Variants in CHD1L observed in about 807,000 individuals in gnomAD.
CHD1L encodes ATP-dependent chromatin remodeler CHD1L.
Under a neutral mutation model 115.9 loss-of-function variants are expected in CHD1L, and 118 were observed. The observed-to-expected ratio is 1.02, with a 90% confidence interval of 0.88 to 1.19. The LOEUF (loss-of-function observed/expected upper bound fraction) is 1.19, where lower values mean the gene tolerates loss of function less well. Among genes scored for constraint, CHD1L ranks in the 50% most tolerant of loss-of-function variants. The pLI is 0.00. For missense variants in CHD1L, 1,179 were observed against 1,065.3 expected, an observed-to-expected ratio of 1.11 and a Z score of -1.49; for synonymous variants, 411 against 387.1, an observed-to-expected ratio of 1.06 and a Z score of -0.72.
upstream of CHD1L, among the ~76,000 whole-genome samples, chr1:147,237,781 G>T (rs1205410842): frequency 6.6e-6 from 1 of 152,214 alleles, no homozygotes; most frequent in African/African-American, 2.4e-5. Flanking sequence ...AGAACATAAA[G>T]AATGAAATTC....
chr1:147,217,322 C>T, the CHD1L span, among the ~76,000 whole-genome samples: 1 of 152,000 alleles, frequency 6.6e-6, no homozygotes, highest in African/African-American at 2.4e-5. Context: ...TAAAGTAATG[C>T]AATGATGCAA....
chr1:147,263,639 AT>A (rs1248791107), intron 6 of CHD1L, among the ~76,000 whole-genome samples: 5 of 134,448 alleles, frequency 3.7e-5, no homozygotes, highest in Non-Finnish European at 8.0e-5. Flanking sequence ...ATTTAAGGAC[AT>A]TTTTTTTCCA....
intron 18 of CHD1L, among the ~76,000 whole-genome samples, chr1:147,286,958 TA>T (rs36000174): frequency 0.092 from 12,362 of 133,762 alleles, 639 homozygotes; most frequent in East Asian, 0.17. Flanking sequence ...GATTACCTCA[TA>T]TAAAACAGGC....
intron 7 of CHD1L, 61 bp downstream of exon 7, chr1:147,264,645 A>G (rs1446652293): frequency 1.2e-5 from 18 of 1,550,786 alleles, no homozygotes; most frequent in Admixed American, 1.8e-5. Context: ...ATCCTCATGC[A>G]TAATGGTTAT....
At chr1:147,289,255 A>C (rs1315021521) in intron 19 of CHD1L, among the ~76,000 whole-genome samples, 1 of 151,850 alleles carries the variant, frequency 6.6e-6, no homozygotes, top group African/African-American at 2.4e-5. Flanking sequence ...GAGGATGGAG[A>C]AATGAGAGGC....
At chr1:147,209,553 GAATTA>G in the CHD1L span, 1 of 154,648 alleles carries the variant, frequency 6.5e-6, no homozygotes, top group Non-Finnish European at 1.4e-5. Flanking sequence ...ACTAAACTTA[GAATTA>G]AATTGGTGTA....
rs189924767 is a variant in CHD1L, at chr1:147,285,113, G to A, written c.1855-211G>A. 9.6e-4 allele frequency among the ~76,000 whole-genome samples: 146 copies of A among 152,346 alleles called. 2 individuals are homozygous for A. Among genetic ancestry groups the A allele is most frequent in the African/African-American group, 3.5e-3 (145 of 41,570 alleles). ...TGCCAATGCTAGGGCTGAGTTTACA[G>A]CATGGTATCCTGGTCACTGTGCCTG... is the stretch of plus-strand genomic sequence containing the variant. On this transcript the variant is annotated intron_variant, in intron 16 of 22. Coordinates refer to ENST00000369258, the MANE Select transcript of CHD1L (RefSeq NM_004284.6).
the CHD1L span, among the ~76,000 whole-genome samples, chr1:147,173,903 T>G: frequency 1.3e-5 from 2 of 152,256 alleles, no homozygotes; most frequent in Non-Finnish European, 1.5e-5. Context: ...GCTTTTGCAT[T>G]TGCGGAATGA....
intron 1 of CHD1L, 48 bp from the exon 2 acceptor site, chr1:147,252,575 T>G (rs782759050): frequency 1.4e-6 from 2 of 1,404,364 alleles, no homozygotes; most frequent in South Asian, 2.3e-5. Context: ...TGCCTCTGCA[T>G]GTACTGAAAT....
chr1:147,184,431 T>G, the CHD1L span: 110 of 1,389,618 alleles, frequency 7.9e-5, no homozygotes, highest in Non-Finnish European at 9.6e-5. The surrounding 1 kb of genome is among the most constrained non-coding windows in gnomAD (Gnocchi z 4.4). Flanking sequence ...CCCTTAATTT[T>G]TACTTAAAGT....
the CHD1L span, among the ~76,000 whole-genome samples, chr1:147,193,893 C>T: frequency 1.8e-4 from 28 of 152,126 alleles, no homozygotes; most frequent in Middle Eastern, 3.4e-3. Context: ...AATTTCTGTT[C>T]TTTTACATTT....
chr1:147,278,745 G>T (rs1432605449), intron 14 of CHD1L, among the ~76,000 whole-genome samples: 1 of 151,992 alleles, frequency 6.6e-6, no homozygotes, highest in Non-Finnish European at 1.5e-5. Context: ...TTTTCCAGTT[G>T]TTTCAGTAAA....
At chr1:147,285,215 T>C in intron 16 of CHD1L, 109 bp from the exon 17 acceptor site, 3 of 1,230,064 alleles carry the variant, frequency 2.4e-6, no homozygotes, top group Non-Finnish European at 3.4e-6. Flanking sequence ...GGAGATGCAG[T>C]GTTCTGTGGA....
the CHD1L span, among the ~76,000 whole-genome samples, chr1:147,182,809 C>T: frequency 1.3e-5 from 2 of 152,120 alleles, no homozygotes; most frequent in Non-Finnish European, 2.9e-5. Context: ...CTTTCTTGTA[C>T]CAAGATCTTG....
chr1:147,245,198 C>A (rs1666197236), intron 1 of CHD1L, among the ~76,000 whole-genome samples: 1 of 152,176 alleles, frequency 6.6e-6, no homozygotes, highest in African/African-American at 2.4e-5. Flanking sequence ...ACTACCTTTC[C>A]CAGACCCCAC....
chr1:147,173,550 A>G, the CHD1L span: 1 of 152,416 alleles, frequency 6.6e-6, no homozygotes, highest in East Asian at 1.9e-4. Context: ...CATCAGAAGG[A>G]ACACTAAAGG....
At chr1:147,289,929 C>T (rs1002544694) in intron 19 of CHD1L, among the ~76,000 whole-genome samples, 1 of 152,126 alleles carries the variant, frequency 6.6e-6, no homozygotes, top group East Asian at 1.9e-4. Context: ...CTGCGCAGAA[C>T]CTTATCTAAT....
upstream of CHD1L, among the ~76,000 whole-genome samples, chr1:147,240,635 C>T (rs1192516564): frequency 6.6e-6 from 1 of 152,064 alleles, no homozygotes; most frequent in African/African-American, 2.4e-5. Context: ...GGTGTAAAAC[C>T]CGATTGTATA....
At chr1:147,254,337 GCC>G (rs1669343288) in intron 2 of CHD1L, among the ~76,000 whole-genome samples, 2 of 144,954 alleles carry the variant, frequency 1.4e-5, no homozygotes, top group Non-Finnish European at 3.1e-5. Flanking sequence ...ATAGGACAGT[GCC>G]TAGCAAATAG....
Sources: gnomAD v4.1 joint callset for allele counts (sites outside exome capture counted in the v4.1 genomes callset) on GRCh38, gnomAD v4.1.1 for gene constraint, Gnocchi (gnomAD v3.1) non-coding constraint, MANE v1.5 for transcripts, NCBI Gene and HGNC (gene_info 2026-07-23, HGNC 2026-07-21) for gene names.